The following ARSB variants were observed in gnomAD, a reference collection of about 807,000 sequenced individuals.
ARSB encodes the protein arylsulfatase B.
A neutral mutation model predicts 50.9 loss-of-function variants in ARSB; 41 were observed. The ratio of observed to expected loss-of-function variants is 0.81; its 90% CI spans 0.63 to 1.04. ARSB has a LOEUF of 1.04. Ranked by LOEUF, ARSB falls within the 50% of genes least tolerant of loss-of-function variation. The probability of loss-of-function intolerance (pLI) is 0.00; values close to 1 mark genes in which losing one functional copy is unlikely to be tolerated. For missense variants in ARSB, 672 were observed against 693.3 expected (o/e 0.97, Z 0.35); for synonymous variants, 269 against 284.8 (o/e 0.94, Z 0.56).
intron 1 of ARSB, among the ~76,000 whole-genome samples, chr5:78,973,301 A>G (rs1752537883): frequency 1.3e-5 from 2 of 152,328 alleles, no homozygotes; most frequent in South Asian, 4.1e-4. Context: ...TTCCCTATCT[A>G]CCATGTGTGG....
chr5:78,806,245 A>T (rs1743555841), intron 6 of ARSB, among the ~76,000 whole-genome samples: 2 of 152,262 alleles, frequency 1.3e-5, no homozygotes, highest in South Asian at 4.1e-4. Flanking sequence ...AATACAAAAC[A>T]ATAACAAAGT....
intron 5 of ARSB, among the ~76,000 whole-genome samples, chr5:78,857,063 T>C (rs757494420): frequency 6.6e-6 from 1 of 152,196 alleles, no homozygotes; most frequent in South Asian, 2.1e-4. Context: ...TTGTAAAATA[T>C]AGATCCAGAT....
intron 4 of ARSB, among the ~76,000 whole-genome samples, chr5:78,891,789 G>C (rs745343087): frequency 7.2e-5 from 11 of 152,222 alleles, no homozygotes; most frequent in Admixed American, 1.3e-4. Flanking sequence ...GGTATACTCT[G>C]CTGCCAGAAG....
At chr5:78,908,328 G>A (rs191765725) in intron 4 of ARSB, among the ~76,000 whole-genome samples, 4 of 152,060 alleles carry the variant, frequency 2.6e-5, no homozygotes, top group Non-Finnish European at 4.4e-5. Flanking sequence ...GTATTTTGTC[G>A]CTTATCTAAC....
intron 6 of ARSB, among the ~76,000 whole-genome samples, chr5:78,831,010 C>T (rs1275550995): frequency 1.3e-5 from 2 of 152,068 alleles, no homozygotes; most frequent in Non-Finnish European, 2.9e-5. Context: ...TGGCTTTATT[C>T]CTGATTAAGG....
chr5:78,892,253 T>C (rs1748338863), intron 4 of ARSB, among the ~76,000 whole-genome samples: 1 of 135,578 alleles, frequency 7.4e-6, no homozygotes, highest in Admixed American at 7.2e-5. Context: ...CTATTCTTTT[T>C]TTTTTTTTTT....
chr5:78,949,635 C>T (rs908921600), intron 4 of ARSB, among the ~76,000 whole-genome samples: 4 of 152,160 alleles, frequency 2.6e-5, no homozygotes, highest in Admixed American at 1.3e-4. Context: ...ACAGGCTGGG[C>T]GTGGTGGCTC....
chr5:78,826,632 C>T (rs1206113070), intron 6 of ARSB, among the ~76,000 whole-genome samples: 1 of 152,184 alleles, frequency 6.6e-6, no homozygotes. Flanking sequence ...CATGTGATTT[C>T]TCTCAACTCC....
chr5:78,922,278 G>A (rs925218685), intron 4 of ARSB, among the ~76,000 whole-genome samples: 7 of 151,996 alleles, frequency 4.6e-5, no homozygotes, highest in African/African-American at 1.7e-4. Context: ...CGCAGCCCTG[G>A]GAAAGACTAC....
At chr5:78,798,475 T>C (rs1743259514) in intron 6 of ARSB, among the ~76,000 whole-genome samples, 1 of 151,608 alleles carries the variant, frequency 6.6e-6, no homozygotes, top group Admixed American at 6.6e-5. Flanking sequence ...GCTGAGTCTC[T>C]GGCAAGGGAT....
chr5:78,856,665 T>C (rs1215997214), intron 5 of ARSB, among the ~76,000 whole-genome samples: 1 of 152,194 alleles, frequency 6.6e-6, no homozygotes, highest in East Asian at 1.9e-4. Context: ...GGTTGTGGGG[T>C]TGATTATTGC....
chr5:78,949,993 A>G (rs1054825820), intron 4 of ARSB, among the ~76,000 whole-genome samples: 15 of 152,214 alleles, frequency 9.9e-5, no homozygotes, highest in African/African-American at 3.6e-4. Context: ...CACTGTTTTC[A>G]GGGTTGCAGA....
chr5:78,945,345 GA>G (rs1355174409), intron 4 of ARSB, among the ~76,000 whole-genome samples: 2 of 152,172 alleles, frequency 1.3e-5, no homozygotes, highest in Non-Finnish European at 2.9e-5. Context: ...TGGAAATGCA[GA>G]AATCATTCGT....
intron 6 of ARSB, among the ~76,000 whole-genome samples, chr5:78,837,584 T>G (rs1397011380): frequency 1.3e-5 from 2 of 152,176 alleles, no homozygotes; most frequent in Non-Finnish European, 2.9e-5. Flanking sequence ...AAATTTTCTA[T>G]TAGCCACATT....
intron 5 of ARSB, among the ~76,000 whole-genome samples, chr5:78,867,068 G>A (rs972389205): frequency 1.3e-5 from 2 of 152,124 alleles, no homozygotes; most frequent in Non-Finnish European, 2.9e-5. Flanking sequence ...GACGCACCTG[G>A]AAAATCGGGT....
chr5:78,781,212 G>A (rs2112618201), intron 7 of ARSB, among the ~76,000 whole-genome samples: 1 of 151,780 alleles, frequency 6.6e-6, no homozygotes, highest in African/African-American at 2.4e-5. Flanking sequence ...AATGTGCTGT[G>A]CTTGATAGCC....
At position 78,781,859 on chromosome 5, in the gene ARSB, G is replaced by A. The variant is rs1030946663; in HGVS notation, c.1329C>T (p.Gly443=). Residue 443 remains glycine, a synonymous_variant, in exon 7 of 8, where the codon GGC becomes GGT. Coordinates refer to ENST00000264914, the MANE Select transcript of ARSB (RefSeq NM_000046.5). The part of the protein sequence containing the change: ...IRHGNWKLLT[G]YPGCGYWFPP... ...CTAAGCTAAGGACTCTACCTGGGTA[G>A]CCCGTGAGGAGTTTCCAATTTCCAT... 6.2e-7 allele frequency: 1 copy of A among 1,613,988 alleles called. No homozygotes were observed. Among genetic ancestry groups the A allele is most frequent in the African/African-American group, 1.3e-5 (1 of 74,922 alleles).
At chr5:78,914,556 C>T (rs1749455934) in intron 4 of ARSB, among the ~76,000 whole-genome samples, 1 of 152,144 alleles carries the variant, frequency 6.6e-6, no homozygotes, top group Non-Finnish European at 1.5e-5. Flanking sequence ...ATGTGACCAC[C>T]AATCCTTCTC....
chr5:78,885,380 G>T (rs1047412415), intron 5 of ARSB: 9 of 753,440 alleles, frequency 1.2e-5, no homozygotes, highest in South Asian at 2.7e-5. Flanking sequence ...TGTTCTTCAC[G>T]TAAAACACAG....
Sources: allele counts gnomAD v4.1 joint callset (sites outside exome capture counted in the v4.1 genomes callset), GRCh38; gene constraint gnomAD v4.1.1; transcripts MANE v1.5; gene names NCBI Gene and HGNC (gene_info 2026-07-23, HGNC 2026-07-21).